The following RSU1 variants were observed in gnomAD, a reference collection of about 807,000 sequenced individuals.
RSU1 encodes Ras suppressor protein 1.
In RSU1, 26 loss-of-function variants were observed where a neutral mutation model predicts 31.1. That is an observed-to-expected ratio of 0.84 (90% CI 0.61 to 1.16). RSU1 has a LOEUF of 1.16. Ranked by LOEUF, RSU1 falls within the 50% of genes most tolerant of loss-of-function variation. RSU1 has a pLI of 0.00. For missense variants in RSU1, 320 were observed against 339.1 expected, an observed-to-expected ratio of 0.94 and a Z score of 0.44; for synonymous variants, 164 against 136.3, an observed-to-expected ratio of 1.20 and a Z score of -1.41.
chr10:16,798,013 C>A (rs555126197), intron 2 of RSU1, among the ~76,000 whole-genome samples: 2 of 152,012 alleles, frequency 1.3e-5, no homozygotes, highest in African/African-American at 2.4e-5. Flanking sequence ...AGGTGCCCAC[C>A]ACCACGCCCG....
chr10:16,803,100 C>T (rs1285972350), intron 2 of RSU1, among the ~76,000 whole-genome samples: 1 of 152,078 alleles, frequency 6.6e-6, no homozygotes, highest in Non-Finnish European at 1.5e-5. Context: ...TCTTTCTCCA[C>T]AGATAATATG....
intron 3 of RSU1, among the ~76,000 whole-genome samples, chr10:16,780,926 C>T (rs574341127): frequency 3.9e-4 from 59 of 152,312 alleles, no homozygotes; most frequent in African/African-American, 1.2e-3. Context: ...TACAAATATA[C>T]GCTTTGGCTA....
chr10:16,816,537 TAA>T (rs1380889196), intron 2 of RSU1, among the ~76,000 whole-genome samples: 1 of 152,198 alleles, frequency 6.6e-6, no homozygotes, highest in Non-Finnish European at 1.5e-5. Flanking sequence ...CAGAAGAATG[TAA>T]AGATTCAAGA....
rs1027737242 is a variant in RSU1 at position 16,690,146 on chromosome 10, A to G, written c.731+4877T>C. On this transcript the variant is annotated intron_variant, in intron 8 of 8. Coordinates refer to ENST00000345264, the MANE Select transcript of RSU1 (RefSeq NM_012425.4). ...TCAACTTGACTGCCTCTCCTGGGGGAAAAAAATCTACCTTCTGGAAACTTA... is the reference window on the plus strand; with the variant it reads ...TCAACTTGACTGCCTCTCCTGGGGGGAAAAAATCTACCTTCTGGAAACTTA... 1.2e-4 allele frequency among the ~76,000 whole-genome samples: 17 copies of G among 147,562 alleles called. No homozygotes were observed. In the South Asian group the frequency reaches 1.7e-3, roughly 14 times the overall value.
At chr10:16,616,330 A>G (rs1205471999) in intron 8 of RSU1, among the ~76,000 whole-genome samples, 1 of 150,478 alleles carries the variant, frequency 6.6e-6, no homozygotes, top group African/African-American at 2.4e-5. Context: ...GAGACCAATA[A>G]CAAATTCTGA....
At chr10:16,796,926 T>C (rs1447342444) in intron 2 of RSU1, among the ~76,000 whole-genome samples, 1 of 152,218 alleles carries the variant, frequency 6.6e-6, no homozygotes, top group Non-Finnish European at 1.5e-5. Context: ...GATATCAGCA[T>C]GCATGTGACG....
At chr10:16,629,220 T>C (rs1011360375) in intron 8 of RSU1, among the ~76,000 whole-genome samples, 1 of 152,194 alleles carries the variant, frequency 6.6e-6, no homozygotes, top group African/African-American at 2.4e-5. Context: ...CCTCAGACTC[T>C]GCATTTCTGA....
intron 8 of RSU1, among the ~76,000 whole-genome samples, chr10:16,603,531 G>A (rs1030920651): frequency 3.3e-5 from 5 of 152,234 alleles, no homozygotes; most frequent in Admixed American, 6.5e-5. Flanking sequence ...CAGGAGGTAT[G>A]TTCCCTGGGG....
intron 8 of RSU1, among the ~76,000 whole-genome samples, chr10:16,615,302 G>A (rs147655634): frequency 0.022 from 3,278 of 152,104 alleles, 114 homozygotes; most frequent in African/African-American, 0.071. Context: ...ATTACATAAT[G>A]GTAAAGGGAT....
rs1338037010 is a variant in RSU1 at position 16,686,983 on chromosome 10, T to A, written c.731+8040A>T. Among the ~76,000 whole-genome samples, 4 of 152,134 alleles carry A rather than the reference T, an allele frequency of 2.6e-5. 1 individual carries two copies. The highest frequency in any genetic ancestry group is 1.5e-5 in the Non-Finnish European group (1 of 68,026). ...GGAGCATAGGGTTTTTTCTCACTGGTCAAACCTGAGCCTACCAGGTCCCAG... is the reference window on the plus strand; with the variant it reads ...GGAGCATAGGGTTTTTTCTCACTGGACAAACCTGAGCCTACCAGGTCCCAG... On this transcript the variant is annotated intron_variant, in intron 8 of 8. Coordinates refer to ENST00000345264, the MANE Select transcript of RSU1 (RefSeq NM_012425.4).
intron 7 of RSU1, among the ~76,000 whole-genome samples, chr10:16,707,150 G>C (rs899789120): frequency 1.3e-5 from 2 of 152,196 alleles, no homozygotes; most frequent in South Asian, 4.2e-4. Context: ...TGCATTAATG[G>C]GCACTTAGGT....
At chr10:16,601,480 T>G (rs1833713668) in intron 8 of RSU1, among the ~76,000 whole-genome samples, 1 of 152,190 alleles carries the variant, frequency 6.6e-6, no homozygotes, top group South Asian at 2.1e-4. Context: ...GGTACCTCAT[T>G]TATTTCCATC....
chr10:16,626,806 T>C (rs1834166638), intron 8 of RSU1, among the ~76,000 whole-genome samples: 1 of 152,206 alleles, frequency 6.6e-6, no homozygotes, highest in Non-Finnish European at 1.5e-5. Context: ...GGGATTCTAC[T>C]AGTATTTATT....
intron 2 of RSU1, among the ~76,000 whole-genome samples, chr10:16,784,748 T>G (rs772149522): frequency 3.9e-5 from 6 of 152,012 alleles, no homozygotes; most frequent in Non-Finnish European, 8.8e-5. Flanking sequence ...AACCATTCGA[T>G]CTCGTGAGAC....
chr10:16,809,890 A>G lies in RSU1; in HGVS notation c.109+7083T>C, dbSNP rs1328853724. On this transcript the variant is annotated intron_variant, in intron 2 of 8. Transcript: ENST00000345264. Reference sequence around the variant, plus strand: ...TAATAGACACCTTATAGTCATCTTAACATAACAAACAATAATTTCTCAGTA... The same window carrying G: ...TAATAGACACCTTATAGTCATCTTAGCATAACAAACAATAATTTCTCAGTA... Among the ~76,000 whole-genome samples the G allele has an allele frequency of 2.0e-5, 3 of 152,170 alleles. No homozygotes were observed. In the East Asian group the frequency reaches 5.8e-4, roughly 29 times the overall value.
At chr10:16,726,173 A>T (rs894208019) in intron 7 of RSU1, among the ~76,000 whole-genome samples, 1 of 151,986 alleles carries the variant, frequency 6.6e-6, no homozygotes, top group African/African-American at 2.4e-5. Flanking sequence ...CCTTTCTTAG[A>T]TTCAAATTTA....
At chr10:16,718,444 G>A (rs1416276738) in intron 7 of RSU1, among the ~76,000 whole-genome samples, 1 of 152,098 alleles carries the variant, frequency 6.6e-6, no homozygotes, top group Non-Finnish European at 1.5e-5. Context: ...TCCTGATCTG[G>A]AAAGTCAAAG....
At chr10:16,815,852 G>C (rs760250936) in intron 2 of RSU1, among the ~76,000 whole-genome samples, 2 of 152,138 alleles carry the variant, frequency 1.3e-5, no homozygotes, top group Non-Finnish European at 2.9e-5. Flanking sequence ...AGGTGCAAAC[G>C]ACTGAGAAAG....
intron 8 of RSU1, among the ~76,000 whole-genome samples, chr10:16,614,874 C>G (rs1833949944): frequency 6.6e-6 from 1 of 152,074 alleles, no homozygotes; most frequent in Admixed American, 6.6e-5. Context: ...CTTACAAGAG[C>G]TCCTGAGGAA....
Sources: gnomAD v4.1 joint callset for allele counts (sites outside exome capture counted in the v4.1 genomes callset) on GRCh38, gnomAD v4.1.1 for gene constraint, MANE v1.5 for transcripts, NCBI Gene and HGNC (gene_info 2026-07-23, HGNC 2026-07-21) for gene names.